The following NEDD4L variants were observed in gnomAD, a reference collection of about 807,000 sequenced individuals.
NEDD4L encodes the protein NEDD4 like E3 ubiquitin protein ligase.
NEDD4L carries 54 observed loss-of-function variants against 148.9 expected under a neutral mutation model. That is an observed-to-expected ratio of 0.36 (90% CI 0.29 to 0.45). The LOEUF (loss-of-function observed/expected upper bound fraction) is 0.45. NEDD4L is among the 20% of genes least tolerant of loss of function. The pLI is 1.00. For missense variants in NEDD4L, 856 were observed against 1,233.8 expected, an observed-to-expected ratio of 0.69 and a Z score of 4.59; for synonymous variants, 433 against 440.7, an observed-to-expected ratio of 0.98 and a Z score of 0.22.
Position 58,256,085 on chromosome 18 carries a change from G to A in NEDD4L, c.297+4031G>A. On this transcript the variant is annotated intron_variant, in intron 5 of 30. Coordinates refer to ENST00000400345, the MANE Select transcript of NEDD4L (RefSeq NM_001144967.3). This position sits in a 1 kb window ranked among gnomAD's most constrained non-coding sequence, Gnocchi z 5.2. ...TGGCTCCCGGGAGCCCTCGCCGAGGGACACCCCCGGGAGCTCCCCTCCGAG... is the reference window on the plus strand; with the variant it reads ...TGGCTCCCGGGAGCCCTCGCCGAGGAACACCCCCGGGAGCTCCCCTCCGAG... 1 of 1,228,088 alleles carries A rather than the reference G, an allele frequency of 8.1e-7. No individual in the cohort carries two copies. The highest frequency in any genetic ancestry group is 1.0e-6 in the Non-Finnish European group (1 of 985,654). The allele number at this position is 1,228,088 out of a possible 1,614,324, so 76.1% of individuals were successfully genotyped here. A position where few individuals can be genotyped will look rare whatever the true frequency, so the allele number is the denominator to read the frequency against.
intron 1 of NEDD4L, chr18:58,149,538 G>C: frequency 6.4e-7 from 1 of 1,551,066 alleles, no homozygotes; most frequent in South Asian, 1.2e-5. Context: ...TCTCCTAAAT[G>C]AGACGTCTCG....
At chr18:58,375,046 G>A (rs866816775) in intron 24 of NEDD4L, among the ~76,000 whole-genome samples, 36 of 152,104 alleles carry the variant, frequency 2.4e-4, no homozygotes, top group Non-Finnish European at 4.7e-4. Flanking sequence ...CCCCCACATC[G>A]GTTATGGTCT....
chr18:58,183,436 G>C (rs192992009), intron 2 of NEDD4L, among the ~76,000 whole-genome samples: 1 of 152,356 alleles, frequency 6.6e-6, no homozygotes, highest in East Asian at 1.9e-4. Context: ...CCAGAGAGTG[G>C]CATTTGTGCC....
Position 58,064,265 on chromosome 18 carries a change from A to G in NEDD4L, c.48+19557A>G, listed in dbSNP as rs2082492193. Among the ~76,000 whole-genome samples, 3 of 152,204 alleles carry G rather than the reference A, an allele frequency of 2.0e-5. No homozygotes were observed. The South Asian group carries it at 6.2e-4, about 31-fold the overall frequency. ...AGGCGTGAGCCACCGCGCCTGACCCAATGTTTCTTAAAATACATCCAAACA... is the reference window on the plus strand; with the variant it reads ...AGGCGTGAGCCACCGCGCCTGACCCGATGTTTCTTAAAATACATCCAAACA... On this transcript the variant is annotated intron_variant, in intron 1 of 30. Transcript: ENST00000400345.
rs202231187 is a variant in NEDD4L at position 58,329,012 on chromosome 18, C to G, written c.698C>G (p.Ser233Trp). Residue 233 changes from serine to tryptophan, a missense_variant, in exon 10 of 31, where the codon TCG (serine) becomes TGG (tryptophan). By Grantham distance (177) the Ser-to-Trp change is radical. This residue lies in a region of NEDD4L where 367 missense variants were observed against 422.7 expected (regional missense o/e 0.87). Coordinates refer to ENST00000400345, the MANE Select transcript of NEDD4L (RefSeq NM_001144967.3). ...RPSLMDVSSE[S>W]DNNIRQINQE... ...ATGCTCAGGGACGTGTCCTCGGAGT[C>G]GGACAATAACATCAGACAGATCAAC... 1.2e-6 allele frequency: 2 copies of G among 1,613,984 alleles called. No homozygotes were observed. Among genetic ancestry groups the G allele is most frequent in the Non-Finnish European group, 1.7e-6 (2 of 1,179,868 alleles).
chr18:58,118,770 A>G (rs374753533), intron 1 of NEDD4L, among the ~76,000 whole-genome samples: 3 of 152,184 alleles, frequency 2.0e-5, no homozygotes, highest in East Asian at 3.9e-4. Flanking sequence ...GAGGAAGGAC[A>G]CACTTTCTCC....
At chr18:58,137,557 G>A (rs754297308) in intron 1 of NEDD4L, among the ~76,000 whole-genome samples, 58 of 152,220 alleles carry the variant, frequency 3.8e-4, no homozygotes, top group Non-Finnish European at 7.2e-4. Context: ...AGCCCAGAGT[G>A]TGTATTCACT....
At chr18:58,314,590 G>A (rs910874596) in intron 5 of NEDD4L, 18 of 152,320 alleles carry the variant, frequency 1.2e-4, no homozygotes, top group African/African-American at 3.9e-4. Context: ...GCTGCTCTTG[G>A]TAAGACATAC....
Position 58,256,230 on chromosome 18 carries a change from C to G in NEDD4L, c.297+4176C>G. 8.1e-7 allele frequency: 1 copy of G among 1,227,396 alleles called. No individual in the cohort carries two copies. Among genetic ancestry groups the G allele is most frequent in the Non-Finnish European group, 1.0e-6 (1 of 985,178 alleles). The allele number at this position is 1,227,396 out of a possible 1,614,324, so 76.0% of individuals were successfully genotyped here. Reference sequence around the variant, plus strand: ...GGCCTGCGCATCCAGCACCGCGCCTCCAGCGCCGACGTGCGCCAGGTGAGG... The same window carrying G: ...GGCCTGCGCATCCAGCACCGCGCCTGCAGCGCCGACGTGCGCCAGGTGAGG... On this transcript the variant is annotated intron_variant, in intron 5 of 30. Coordinates refer to ENST00000400345, the MANE Select transcript of NEDD4L (RefSeq NM_001144967.3). The surrounding 1 kb of genome is among the most constrained non-coding windows in gnomAD (Gnocchi z 5.2).
At chr18:58,340,354 G>A (rs1810844688) in intron 13 of NEDD4L, among the ~76,000 whole-genome samples, 1 of 152,210 alleles carries the variant, frequency 6.6e-6, no homozygotes, top group Admixed American at 6.5e-5. Flanking sequence ...GCCAAGCTGT[G>A]TTCACCTTCA....
At chr18:58,259,343 A>C (rs1205480405) in intron 5 of NEDD4L, among the ~76,000 whole-genome samples, 1 of 152,230 alleles carries the variant, frequency 6.6e-6, no homozygotes. Flanking sequence ...TAATCAGTTA[A>C]AAATTTTCAG....
Position 58,362,195 on chromosome 18 carries a change from G to A in NEDD4L, c.1768-2073G>A, listed in dbSNP as rs115656014. On this transcript the variant is annotated intron_variant, in intron 19 of 30. Coordinates refer to ENST00000400345, the MANE Select transcript of NEDD4L (RefSeq NM_001144967.3). ...GGGCATCATAGGCTGGGGGCCACATGTTGAAATCTGCTCCTTGGGGAATTT... is the reference window on the plus strand; with the variant it reads ...GGGCATCATAGGCTGGGGGCCACATATTGAAATCTGCTCCTTGGGGAATTT... Among the ~76,000 whole-genome samples, 150 of 152,350 alleles carry A rather than the reference G, an allele frequency of 9.8e-4. 1 individual carries two copies. Among genetic ancestry groups the A allele is most frequent in the African/African-American group, 3.5e-3 (144 of 41,584 alleles).
chr18:58,149,658 T>C (rs1048216757), intron 1 of NEDD4L: 119 of 790,222 alleles, frequency 1.5e-4, no homozygotes, highest in Non-Finnish European at 2.9e-5. Flanking sequence ...GATTGTGTTA[T>C]ATGACCTCAA....
intron 5 of NEDD4L, among the ~76,000 whole-genome samples, chr18:58,305,222 A>G (rs182231915): frequency 9.2e-5 from 14 of 152,352 alleles, no homozygotes; most frequent in African/African-American, 2.9e-4. Flanking sequence ...GCAATTTAGT[A>G]TCAGTTTGCT....
chr18:58,196,736 T>TTA (rs2040752275), intron 2 of NEDD4L, among the ~76,000 whole-genome samples: 1 of 144,954 alleles, frequency 6.9e-6, no homozygotes. Context: ...TTTTTTTTTT[T>TTA]TAACATCAGC....
chr18:58,149,362 A>G, intron 1 of NEDD4L: 1 of 1,423,342 alleles, frequency 7.0e-7, no homozygotes, highest in Non-Finnish European at 9.2e-7. Flanking sequence ...AACCGTGTAG[A>G]CTGCTTTCCT....
chr18:58,210,107 G>T (rs1192328170), intron 2 of NEDD4L, among the ~76,000 whole-genome samples: 4 of 152,064 alleles, frequency 2.6e-5, no homozygotes, highest in African/African-American at 9.7e-5. Context: ...CAGAGGTTGC[G>T]GTGAGCCAAG....
intron 5 of NEDD4L, among the ~76,000 whole-genome samples, chr18:58,307,160 C>G (rs1362219163): frequency 6.6e-6 from 1 of 152,130 alleles, no homozygotes; most frequent in Non-Finnish European, 1.5e-5. Context: ...GGGAGAGCCT[C>G]TGACCGACCC....
chr18:58,108,672 C>T (rs376088492), intron 1 of NEDD4L, among the ~76,000 whole-genome samples: 4 of 152,158 alleles, frequency 2.6e-5, no homozygotes, highest in African/African-American at 7.2e-5. Context: ...CCACCCACCT[C>T]GGCCCCCCAA....
Sources: gnomAD v4.1 joint callset for allele counts (sites outside exome capture counted in the v4.1 genomes callset) on GRCh38, gnomAD v4.1.1 for gene constraint, gnomAD v4.1.1 regional missense constraint, Gnocchi (gnomAD v3.1) non-coding constraint, MANE v1.5 for transcripts, NCBI Gene and HGNC (gene_info 2026-07-23, HGNC 2026-07-21) for gene names.